Variants in EPC1 observed in about 807,000 individuals in gnomAD.
The protein encoded by EPC1 is enhancer of polycomb 1.
A neutral mutation model predicts 98.4 loss-of-function variants in EPC1; 12 were observed. That is an observed-to-expected ratio of 0.12 (90% CI 0.08 to 0.20). The LOEUF (loss-of-function observed/expected upper bound fraction) is 0.20. Among genes scored for constraint, EPC1 ranks in the 10% least tolerant of loss-of-function variants. The probability of loss-of-function intolerance (pLI) is 1.00; values close to 1 mark genes in which losing one functional copy is unlikely to be tolerated. For missense variants in EPC1, 729 were observed against 990.5 expected, an observed-to-expected ratio of 0.74 and a Z score of 3.54; for synonymous variants, 357 against 363.9, an observed-to-expected ratio of 0.98 and a Z score of 0.21.
chr10:32,358,870 T>C (rs1213310775), intron 1 of EPC1, among the ~76,000 whole-genome samples: 1 of 152,126 alleles, frequency 6.6e-6, no homozygotes, highest in Non-Finnish European at 1.5e-5. Context: ...CATAAAATAC[T>C]GATGTTCTGA....
At chr10:32,370,298 T>C (rs189598576) in intron 1 of EPC1, among the ~76,000 whole-genome samples, 7 of 152,202 alleles carry the variant, frequency 4.6e-5, no homozygotes, top group Non-Finnish European at 8.8e-5. Flanking sequence ...TCCTAGGAGA[T>C]GGATAGTAGG....
At chr10:32,375,698 T>C (rs899696909) in intron 1 of EPC1, among the ~76,000 whole-genome samples, 1 of 152,048 alleles carries the variant, frequency 6.6e-6, no homozygotes, top group Admixed American at 6.5e-5. Flanking sequence ...GATATGACAA[T>C]ATAGTAAATT....
At chr10:32,292,302 G>T in intron 5 of EPC1, 194 bp downstream of exon 5, 1 of 382,282 alleles carries the variant, frequency 2.6e-6, no homozygotes, top group Non-Finnish European at 4.5e-6. Context: ...TAACTTAAGT[G>T]AATCCAGTCA....
At chr10:32,318,167 A>G (rs970641158) in intron 1 of EPC1, among the ~76,000 whole-genome samples, 4 of 152,206 alleles carry the variant, frequency 2.6e-5, no homozygotes, top group African/African-American at 9.7e-5. Flanking sequence ...AAAAGCCGCA[A>G]TCTAATTGAA....
intron 1 of EPC1, among the ~76,000 whole-genome samples, chr10:32,320,291 G>A (rs1225113144): frequency 6.6e-6 from 1 of 151,718 alleles, no homozygotes; most frequent in African/African-American, 2.4e-5. Context: ...CTGTTACCAA[G>A]TACCTGCATA....
chr10:32,279,593 T>G (rs866459229), intron 10 of EPC1, among the ~76,000 whole-genome samples: 16 of 152,184 alleles, frequency 1.1e-4, no homozygotes, highest in African/African-American at 3.9e-4. Flanking sequence ...AAATCTTTAC[T>G]GCAGATATGA....
intron 1 of EPC1, among the ~76,000 whole-genome samples, chr10:32,338,283 GT>G (rs1459912717): frequency 6.6e-6 from 1 of 152,094 alleles, no homozygotes; most frequent in Non-Finnish European, 1.5e-5. Context: ...CCACCAGCAA[GT>G]TCTGTTGGTT....
intron 1 of EPC1, among the ~76,000 whole-genome samples, chr10:32,364,133 G>A (rs899337567): frequency 2.7e-5 from 4 of 146,154 alleles, no homozygotes; most frequent in Non-Finnish European, 6.0e-5. Flanking sequence ...TCCTGTCTTA[G>A]CCTCCCAAGT....
At chr10:32,296,002 C>A (rs1218843558) in intron 2 of EPC1, among the ~76,000 whole-genome samples, 1 of 151,800 alleles carries the variant, frequency 6.6e-6, no homozygotes, top group Non-Finnish European at 1.5e-5. Context: ...CGGCTTACTG[C>A]AACCTCTGCC....
chr10:32,350,820 C>G (rs555245554), upstream of EPC1, among the ~76,000 whole-genome samples: 32 of 152,304 alleles, frequency 2.1e-4, 1 homozygote, highest in Middle Eastern at 0.014. Context: ...ATTTGAAATA[C>G]AGCTCTAAAT....
intron 1 of EPC1, among the ~76,000 whole-genome samples, chr10:32,369,286 G>A (rs1839684503): frequency 6.6e-6 from 1 of 152,176 alleles, no homozygotes; most frequent in African/African-American, 2.4e-5. Context: ...AAAAGGTTAG[G>A]AAGTGCAAAA....
intron 1 of EPC1, among the ~76,000 whole-genome samples, chr10:32,367,130 G>T (rs994319743): frequency 1.3e-5 from 2 of 152,090 alleles, no homozygotes; most frequent in Non-Finnish European, 2.9e-5. Flanking sequence ...TGAATAGCTG[G>T]GATTACAGGC....
chr10:32,273,720 T>C lies in EPC1; in HGVS notation c.1745-439A>G, dbSNP rs76890573. Among the ~76,000 whole-genome samples, 413 of 152,302 alleles carry C rather than the reference T, an allele frequency of 2.7e-3. 5 individuals carry two copies. Among genetic ancestry groups the C allele is most frequent in the Middle Eastern group, 0.014 (4 of 294 alleles). On this transcript the variant is annotated intron_variant, in intron 10 of 13. Coordinates refer to ENST00000319778, the MANE Select transcript of EPC1 (RefSeq NM_001272004.3). ...ATATCTTCCCAAGGCATTCAGATGA[T>C]CCCTAATGGCTCTGTGTATATATAC...
In EPC1 at chr10:32,284,818, CATT is replaced by C; in HGVS notation, c.1621_1623del (p.Asn541del). 1.2e-6 allele frequency: 2 copies of C among 1,614,190 alleles called. No homozygotes were observed. The highest frequency in any genetic ancestry group is 1.7e-6 in the Non-Finnish European group (2 of 1,180,016). On this transcript the variant is annotated inframe_deletion, in exon 10 of 14. Transcript: ENST00000319778. Reference sequence around the variant, plus strand: ...TATAATTTTCTACAGGAGAGTTCATCATTGTCACTGTCATGTAGGGATGGTGTC... The same window carrying C: ...TATAATTTTCTACAGGAGAGTTCATCGTCACTGTCATGTAGGGATGGTGTC...
At chr10:32,354,185 A>G (rs778406965) in intron 1 of EPC1, among the ~76,000 whole-genome samples, 3 of 152,222 alleles carry the variant, frequency 2.0e-5, no homozygotes, top group Non-Finnish European at 4.4e-5. Context: ...GCAAATTATC[A>G]ATCTTAGCAA....
At chr10:32,332,308 T>C (rs900737016) in intron 1 of EPC1, among the ~76,000 whole-genome samples, 6 of 152,160 alleles carry the variant, frequency 3.9e-5, no homozygotes, top group African/African-American at 1.4e-4. Context: ...AGAGACAGCA[T>C]GGCCCACTGA....
At chr10:32,301,199 C>A (rs1038563805) in intron 2 of EPC1, among the ~76,000 whole-genome samples, 8 of 151,946 alleles carry the variant, frequency 5.3e-5, no homozygotes, top group African/African-American at 1.9e-4. Context: ...GAGTATTAAG[C>A]GGAGAGCCAG....
At chr10:32,344,387 TA>T (rs1394806301) in intron 1 of EPC1, among the ~76,000 whole-genome samples, 10 of 152,170 alleles carry the variant, frequency 6.6e-5, no homozygotes, top group African/African-American at 2.4e-4. Flanking sequence ...TGAAAAATTC[TA>T]AACAGATATT....
chr10:32,286,649 T>C (rs1564525104), intron 9 of EPC1, 45 bp downstream of exon 9: 4 of 1,606,450 alleles, frequency 2.5e-6, no homozygotes, highest in Non-Finnish European at 3.4e-6. Context: ...TCAATCACCC[T>C]AATGCCTAAA....
Sources: gnomAD v4.1 joint callset for allele counts (sites outside exome capture counted in the v4.1 genomes callset) on GRCh38, gnomAD v4.1.1 for gene constraint, MANE v1.5 for transcripts, NCBI Gene and HGNC (gene_info 2026-07-23, HGNC 2026-07-21) for gene names.